The following DOCK9 variants were observed in gnomAD, a reference collection of about 807,000 sequenced individuals.
The protein encoded by DOCK9 is dedicator of cytokinesis 9.
A neutral mutation model predicts 263.3 loss-of-function variants in DOCK9; 89 were observed. That is an observed-to-expected ratio of 0.34 (90% CI 0.28 to 0.40). DOCK9 has a LOEUF of 0.40. Among genes scored for constraint, DOCK9 ranks in the 10% least tolerant of loss-of-function variants. The pLI is 1.00. For missense variants in DOCK9, 2,140 were observed against 2,603.4 expected (o/e 0.82, Z 3.87); for synonymous variants, 976 against 973.1 (o/e 1.00, Z -0.06).
intron 1 of DOCK9, among the ~76,000 whole-genome samples, chr13:99,007,082 A>G (rs1461784036): frequency 1.3e-5 from 2 of 151,462 alleles, no homozygotes; most frequent in Non-Finnish European, 2.9e-5. Context: ...ACAGAGCCAG[A>G]CCCTGTCTCA....
rs551256126 is a variant in DOCK9, at chr13:98,960,593, G to A, written c.127-5042C>T. Reference sequence around the variant, plus strand: ...ACGGTGGTTCTGAAAGTGATTTCCCGTGAAATCAGAAAGGGAGAGGTAGTA... The same window carrying A: ...ACGGTGGTTCTGAAAGTGATTTCCCATGAAATCAGAAAGGGAGAGGTAGTA... On this transcript the variant is annotated intron_variant, in intron 1 of 52. Transcript: ENST00000682017. Among the ~76,000 whole-genome samples, 18 of 152,282 alleles carry A rather than the reference G, an allele frequency of 1.2e-4. No homozygotes were observed. In the East Asian group the frequency reaches 3.1e-3, roughly 26 times the overall value.
At chr13:98,885,684 A>G in intron 20 of DOCK9, 24 bp downstream of exon 20, 3 of 1,580,722 alleles carry the variant, frequency 1.9e-6, no homozygotes, top group Non-Finnish European at 2.6e-6. Flanking sequence ...ATTTAAAATC[A>G]AAGGAATGGT....
At chr13:98,980,227 A>T (rs189722083), upstream of DOCK9, among the ~76,000 whole-genome samples, 2 of 152,248 alleles carry the variant, frequency 1.3e-5, no homozygotes, top group African/African-American at 4.8e-5. Flanking sequence ...GGTATTCTGT[A>T]AGGAATGAGA....
chr13:99,062,961 G>A (rs1244362957), intron 1 of DOCK9, among the ~76,000 whole-genome samples: 4 of 152,126 alleles, frequency 2.6e-5, no homozygotes, highest in Non-Finnish European at 5.9e-5. Flanking sequence ...ACCATTTGCT[G>A]GGCATCCATC....
intron 1 of DOCK9, among the ~76,000 whole-genome samples, chr13:99,028,091 TA>T (rs1348844704): frequency 2.0e-5 from 3 of 152,202 alleles, no homozygotes; most frequent in Non-Finnish European, 4.4e-5. Flanking sequence ...TAACCCACTC[TA>T]AAAATTTTTG....
intron 30 of DOCK9, 74 bp from the exon 31 acceptor site, chr13:98,863,622 A>G: frequency 6.9e-7 from 1 of 1,454,542 alleles, no homozygotes; most frequent in Non-Finnish European, 9.3e-7. Flanking sequence ...AAACAAACAA[A>G]CAAAAAAAAC....
At chr13:98,957,658 ATTTG>A (rs2058207020) in intron 1 of DOCK9, among the ~76,000 whole-genome samples, 1 of 151,928 alleles carries the variant, frequency 6.6e-6, no homozygotes, top group African/African-American at 2.4e-5. Flanking sequence ...TTACTCTTTT[ATTTG>A]TTTGTCATAC....
chr13:98,835,699 C>T (rs1384644551), intron 39 of DOCK9, among the ~76,000 whole-genome samples: 1 of 150,038 alleles, frequency 6.7e-6, no homozygotes, highest in Non-Finnish European at 1.5e-5. Context: ...ATTTAGAGAT[C>T]CAGGAATAGT....
intron 1 of DOCK9, among the ~76,000 whole-genome samples, chr13:99,032,861 T>G (rs1258054871): frequency 6.6e-6 from 1 of 152,206 alleles, no homozygotes; most frequent in African/African-American, 2.4e-5. Context: ...AGATGTGTAT[T>G]TAATTAAAAA....
At chr13:98,919,436 A>C (rs71437979) in intron 7 of DOCK9, among the ~76,000 whole-genome samples, 22 of 152,118 alleles carry the variant, frequency 1.4e-4, no homozygotes, top group Non-Finnish European at 7.4e-5. Flanking sequence ...TTGGAAGAAA[A>C]TGCACTTTAA....
At chr13:99,012,923 T>C (rs1884766206) in intron 1 of DOCK9, among the ~76,000 whole-genome samples, 1 of 152,174 alleles carries the variant, frequency 6.6e-6, no homozygotes, top group African/African-American at 2.4e-5. Context: ...ATTTTGGCTT[T>C]AGAATAAGTG....
At chr13:98,867,213 C>T in intron 30 of DOCK9, 1 of 569,294 alleles carries the variant, frequency 1.8e-6, no homozygotes, top group Non-Finnish European at 3.1e-6. Flanking sequence ...AATAGCCATA[C>T]TGGCATGATC....
In DOCK9 at chr13:98,800,335, C is replaced by A; in HGVS notation, c.5869G>T (p.Asp1957Tyr). ...LRQLCSSAEV[D>Y]MIKLQLKLQG... ...AGTTTGAGCTGCAGTTTGATCATGT[C>A]CACCTCGGCCGAGGAGCACAGCTGC... The change falls in exon 50 of 53, where the codon GAC becomes TAC. Residue 1957 changes from aspartate (D) to tyrosine (Y), a missense_variant. Transcript: ENST00000682017. The A allele has an allele frequency of 6.2e-7, 1 of 1,611,484 alleles. No individual in the cohort carries two copies. The highest frequency in any genetic ancestry group is 8.5e-7 in the Non-Finnish European group (1 of 1,178,860).
At chr13:99,009,012 G>C (rs1240886756) in intron 1 of DOCK9, among the ~76,000 whole-genome samples, 1 of 152,166 alleles carries the variant, frequency 6.6e-6, no homozygotes, top group Admixed American at 6.5e-5. Flanking sequence ...ATCTGGAAAG[G>C]TTGTGTCTCA....
Position 98,867,815 on chromosome 13 carries a change from T to A in DOCK9, c.3174+113A>T, listed in dbSNP as rs146390608. 79 of 1,033,166 alleles carry A rather than the reference T, an allele frequency of 7.6e-5. 1 individual carries two copies. In the African/African-American group the frequency reaches 1.3e-3, roughly 17 times the overall value. The allele number at this position is 1,033,166 out of a possible 1,614,324, so 64.0% of individuals were successfully genotyped here. A position where few individuals can be genotyped will look rare whatever the true frequency, so the allele number is the denominator to read the frequency against. On this transcript the variant is annotated intron_variant, in intron 29 of 52. Coordinates refer to ENST00000682017, the MANE Select transcript of DOCK9 (RefSeq NM_001366683.2). ...CTTATAATTACAGACACAGGCTCAA[T>A]ACAATAAAAAAATTAGTAAGGCAGA...
At chr13:98,899,995 T>C (rs1317899451) in intron 13 of DOCK9, among the ~76,000 whole-genome samples, 1 of 152,132 alleles carries the variant, frequency 6.6e-6, no homozygotes, top group Non-Finnish European at 1.5e-5. Flanking sequence ...TTGGAAAACA[T>C]GAAGAAACAA....
intron 1 of DOCK9, among the ~76,000 whole-genome samples, chr13:98,986,373 C>T (rs973616274): frequency 2.0e-5 from 3 of 152,188 alleles, no homozygotes; most frequent in African/African-American, 7.2e-5. Flanking sequence ...GGGGACAGGC[C>T]GCCAGGCCAA....
chr13:98,937,179 G>A (rs906982783), intron 2 of DOCK9, among the ~76,000 whole-genome samples: 20 of 152,044 alleles, frequency 1.3e-4, no homozygotes, highest in African/African-American at 3.1e-4. Context: ...TTTCCATTCC[G>A]CTAATAAATC....
chr13:98,886,935 A>G (rs534887523), intron 18 of DOCK9, among the ~76,000 whole-genome samples: 1 of 151,996 alleles, frequency 6.6e-6, no homozygotes, highest in African/African-American at 2.4e-5. Context: ...TCGCTTCTGC[A>G]TGCATCAAGA....
Sources: gnomAD v4.1 joint callset for allele counts (sites outside exome capture counted in the v4.1 genomes callset) on GRCh38, gnomAD v4.1.1 for gene constraint, MANE v1.5 for transcripts, NCBI Gene and HGNC (gene_info 2026-07-23, HGNC 2026-07-21) for gene names.